The following CCDC59 variants were observed in gnomAD, a reference collection of about 807,000 sequenced individuals.
CCDC59 encodes coiled-coil domain containing 59, also known as thyroid transcription factor 1-associated protein 26.
CCDC59 carries 27 observed loss-of-function variants against 30.5 expected under a neutral mutation model. The observed-to-expected ratio is 0.89, with a 90% CI of 0.65 to 1.22. The LOEUF is 1.22. Ranked by LOEUF, CCDC59 falls within the 50% of genes most tolerant of loss-of-function variation. The pLI is 0.00. For missense variants in CCDC59, 362 were observed against 284.4 expected (o/e 1.27, Z -1.96); for synonymous variants, 125 against 100.9 (o/e 1.24, Z -1.43).
intron 2 of CCDC59, among the ~76,000 whole-genome samples, chr12:82,356,331 T>C (rs944707624): frequency 1.6e-4 from 25 of 152,198 alleles, no homozygotes; most frequent in African/African-American, 6.0e-4. Flanking sequence ...AAATCCAGAT[T>C]AATAGTAGTA....
chr12:82,354,547 T>C lies in CCDC59; in HGVS notation c.512A>G (p.Lys171Arg). 1 of 1,602,224 alleles carries C rather than the reference T, an allele frequency of 6.2e-7. No homozygotes were observed. Among genetic ancestry groups the C allele is most frequent in the Non-Finnish European group, 8.5e-7 (1 of 1,172,664 alleles). ...KKNKKKTSNQ[K>R]AQEEYEQIQA... ...TATCTGTTCATATTCTTCTTGTGCT[T>C]TTTGATTTGATGTTTTCTTTTTATT... The change falls in exon 3 of 4, where the codon AAA (lysine) becomes AGA (arginine). Residue 171 changes from lysine (K) to arginine (R), a missense_variant. Transcript: ENST00000256151.
upstream of CCDC59, chr12:82,358,641 T>C: frequency 6.2e-7 from 1 of 1,614,066 alleles, no homozygotes; most frequent in South Asian, 1.1e-5. Context: ...ACTGCTGCAG[T>C]TCCTGAGGGA....
At position 82,353,076 on chromosome 12, in the gene CCDC59, G is replaced by C; in HGVS notation, c.*75C>G. On this transcript the variant is annotated 3_prime_UTR_variant, in exon 4 of 4. Coordinates refer to ENST00000256151, the MANE Select transcript of CCDC59 (RefSeq NM_014167.5). ...AATCCAGTTTATGTCGACAAATTTAGTTCACTGCTGGGAGGCACATGTCAC... is the reference window on the plus strand; with the variant it reads ...AATCCAGTTTATGTCGACAAATTTACTTCACTGCTGGGAGGCACATGTCAC... 1 of 1,168,436 alleles carries C rather than the reference G, an allele frequency of 8.6e-7. No homozygotes were observed. Among genetic ancestry groups the C allele is most frequent in the Non-Finnish European group, 1.2e-6 (1 of 834,128 alleles). 72.4% of individuals were successfully genotyped at this position (1,168,436 alleles called of 1,614,324 possible).
At chr12:82,356,888 T>C (rs1881044951) in intron 2 of CCDC59, 72 bp downstream of exon 2, 3 of 1,186,372 alleles carry the variant, frequency 2.5e-6, no homozygotes, top group East Asian at 2.6e-5. Flanking sequence ...ACAATTCCTA[T>C]ATAAATTATC....
At chr12:82,354,015 T>C (rs901514414) in intron 3 of CCDC59, among the ~76,000 whole-genome samples, 3 of 55,922 alleles carry the variant, frequency 5.4e-5, no homozygotes, top group African/African-American at 9.8e-5. Context: ...GCTAAAATAA[T>C]AGTTGTTTTT....
upstream of CCDC59, chr12:82,358,745 T>C (rs890404393): frequency 7.4e-6 from 12 of 1,613,882 alleles, no homozygotes; most frequent in Admixed American, 1.8e-4. Flanking sequence ...CAGTGCTGGC[T>C]GCGCTGAGGA....
intron 2 of CCDC59, 120 bp downstream of exon 2, chr12:82,356,840 A>T: frequency 3.9e-6 from 3 of 772,598 alleles, no homozygotes; most frequent in Non-Finnish European, 5.8e-6. Flanking sequence ...TTCCCTAATT[A>T]AACCGTGACT....
At chr12:82,354,824 C>T (rs578258757) in intron 2 of CCDC59, 1 of 285,492 alleles carries the variant, frequency 3.5e-6, no homozygotes, top group East Asian at 6.7e-5. Context: ...ATAGAAATGC[C>T]AGACTGAAAA....
At chr12:82,354,620 G>A (rs1592552108) in intron 2 of CCDC59, 26 bp from the exon 3 acceptor site, 3 of 1,540,148 alleles carry the variant, frequency 1.9e-6, no homozygotes, top group Non-Finnish European at 2.6e-6. Context: ...TGAGGAAACA[G>A]GACTTTATTA....
chr12:82,354,673 T>C, intron 2 of CCDC59, 79 bp from the exon 3 acceptor site: 2 of 1,299,648 alleles, frequency 1.5e-6, no homozygotes. Context: ...TTGTAGCTTT[T>C]AAGAGTATAT....
At position 82,352,506 on chromosome 12, in the gene CCDC59, T is replaced by C. The variant is rs1293084967; in HGVS notation, c.*645A>G. ...AGACAGAGATAATGTTCTTAAAGTA[T>C]AGGGTCCATAGGAACTGGAAAGCTT... On this transcript the variant is annotated 3_prime_UTR_variant, in exon 4 of 4. Coordinates refer to ENST00000256151, the MANE Select transcript of CCDC59 (RefSeq NM_014167.5). 5 of 152,222 alleles carry C rather than the reference T, an allele frequency of 3.3e-5. No individual in the cohort carries two copies. The highest frequency in any genetic ancestry group is 1.3e-4 in the Admixed American group (2 of 15,288). 9.4% of individuals were successfully genotyped at this position (152,222 alleles called of 1,614,324 possible).
At position 82,357,362 on chromosome 12, in the gene CCDC59, G is replaced by A. The variant is rs536951247; in HGVS notation, c.155-93C>T. 1.4e-4 allele frequency: 135 copies of A among 994,538 alleles called. No individual in the cohort carries two copies. In the South Asian group the frequency reaches 2.0e-3, roughly 15 times the overall value. 61.6% of individuals were successfully genotyped at this position (994,538 alleles called of 1,614,324 possible). A position where few individuals can be genotyped will look rare whatever the true frequency, so the allele number is the denominator to read the frequency against. On this transcript the variant is annotated intron_variant, in intron 1 of 3. Coordinates refer to ENST00000256151, the MANE Select transcript of CCDC59 (RefSeq NM_014167.5). ...AATTACAAATGAAAACTTTTTTTACGTCATCACATTCAGATTCTAGTATTA... is the reference window on the plus strand; with the variant it reads ...AATTACAAATGAAAACTTTTTTTACATCATCACATTCAGATTCTAGTATTA...
At position 82,353,182 on chromosome 12, in the gene CCDC59, T is replaced by C; in HGVS notation, c.695A>G (p.Tyr232Cys). 1 of 1,605,980 alleles carries C rather than the reference T, an allele frequency of 6.2e-7. No individual in the cohort carries two copies. Among genetic ancestry groups the C allele is most frequent in the Non-Finnish European group, 8.5e-7 (1 of 1,178,206 alleles). ...TTTTTCTTGTATTTTTTGAAGAAGG[T>C]ACTCCATTTGTACATTCAAGTTTGG... ...GQPNLNVQME[Y>C]LLQKIQEKC is the part of the protein sequence containing the mutation. Residue 232 changes from tyrosine (Y) to cysteine (C), a missense_variant, in exon 4 of 4, where the codon TAC becomes TGC. Tyr to Cys is a radical substitution (Grantham distance 194). Transcript: ENST00000256151.
At chr12:82,358,105 C>G (rs1881191489) in intron 1 of CCDC59, 118 bp downstream of exon 1, 1 of 1,154,218 alleles carries the variant, frequency 8.7e-7, no homozygotes, top group Non-Finnish European at 1.2e-6. Flanking sequence ...GGAATGAATT[C>G]CCTTGCCCCA....
upstream of CCDC59, chr12:82,358,574 T>C: frequency 6.2e-7 from 1 of 1,611,096 alleles, no homozygotes; most frequent in Non-Finnish European, 8.5e-7. Context: ...TCATGGCGGC[T>C]TCTTGCCCTC....
At chr12:82,357,292 A>G in intron 1 of CCDC59, 23 bp from the exon 2 acceptor site, 2 of 1,316,096 alleles carry the variant, frequency 1.5e-6, no homozygotes, top group Non-Finnish European at 2.1e-6. Context: ...ATATCATCCA[A>G]AATTACTTTC....
chr12:82,358,095 G>C (rs1357624417), intron 1 of CCDC59, 128 bp downstream of exon 1: 40 of 1,030,152 alleles, frequency 3.9e-5, no homozygotes, highest in Non-Finnish European at 4.7e-5. Flanking sequence ...AGCGGGCTCA[G>C]GAATGAATTC....
chr12:82,354,762 T>G, intron 2 of CCDC59, 168 bp from the exon 3 acceptor site: 7 of 499,708 alleles, frequency 1.4e-5, no homozygotes, highest in Non-Finnish European at 2.2e-5. Flanking sequence ...TGAAAAATCC[T>G]AAAATGTTAA....
chr12:82,357,223 G>C lies in CCDC59; in HGVS notation c.201C>G (p.Tyr67Ter). The change falls in exon 2 of 4, where the codon TAC (tyrosine) becomes TAG (stop). Residue 67 changes from tyrosine (Y) to a stop codon, truncating the protein, a stop_gained. Transcript: ENST00000256151. LOFTEE classifies it high-confidence loss of function. ...FRRKLKIQQS[Y>*]KKLLRKEKKA... ...TCTTTTCCTTCCGTAGCAATTTCTT[G>C]TAACTTTGCTGTATTTTCAGTTTTC... The C allele has an allele frequency of 6.2e-7, 1 of 1,613,988 alleles. No individual in the cohort carries two copies. The highest frequency in any genetic ancestry group is 8.5e-7 in the Non-Finnish European group (1 of 1,179,954).
Sources: allele counts gnomAD v4.1 joint callset (sites outside exome capture counted in the v4.1 genomes callset), GRCh38; gene constraint gnomAD v4.1.1; transcripts MANE v1.5; gene names NCBI Gene and HGNC (gene_info 2026-07-23, HGNC 2026-07-21).